The following SEPTIN2 variants were observed in gnomAD, a reference collection of about 807,000 sequenced individuals.
SEPTIN2 encodes septin 2.
SEPTIN2 carries 34 observed loss-of-function variants against 46.5 expected under a neutral mutation model. The ratio of observed to expected loss-of-function variants is 0.73; its 90% confidence interval spans 0.56 to 0.97. The LOEUF (loss-of-function observed/expected upper bound fraction) is 0.97, where lower values mean the gene tolerates loss of function less well. Ranked by LOEUF, SEPTIN2 falls within the 50% of genes least tolerant of loss-of-function variation. The pLI is 0.00. For missense variants in SEPTIN2, 347 were observed against 448.4 expected (o/e 0.77, Z 2.04); for synonymous variants, 175 against 153.4 (o/e 1.14, Z -1.04).
chr2:241,337,191 G>T (rs1356745356), intron 5 of SEPTIN2, 191 bp from the exon 6 acceptor site: 2 of 554,966 alleles, frequency 3.6e-6, no homozygotes, highest in Admixed American at 6.9e-5. Context: ...TCAGCACTTA[G>T]GGGCAGTTAT....
At chr2:241,350,050 A>T in intron 11 of SEPTIN2, 23 bp from the exon 12 acceptor site, 1 of 1,607,248 alleles carries the variant, frequency 6.2e-7, no homozygotes, top group Non-Finnish European at 8.5e-7. Context: ...TTGAAAACCT[A>T]TAATGTGTGT....
chr2:241,333,797 C>A (rs1470959484), intron 3 of SEPTIN2, among the ~76,000 whole-genome samples: 2 of 152,206 alleles, frequency 1.3e-5, no homozygotes, highest in African/African-American at 4.8e-5. Context: ...GCCACCGCGC[C>A]CGGCTGTGCG....
chr2:241,324,287 T>C (rs766319193), intron 2 of SEPTIN2, 46 bp downstream of exon 2: 1 of 1,534,994 alleles, frequency 6.5e-7, no homozygotes, highest in Non-Finnish European at 9.0e-7. Context: ...GAAATTGCTT[T>C]ATGTTTTCAG....
rs1361389860 is a variant in SEPTIN2, at chr2:241,343,826, C to T, written c.771C>T (p.Leu257=). The T allele has an allele frequency of 4.3e-6, 7 of 1,614,126 alleles. No homozygotes were observed. The highest frequency in any genetic ancestry group is 5.9e-6 in the Non-Finnish European group (7 of 1,180,040). Residue 257 remains leucine, a synonymous_variant, in exon 9 of 13, where the codon CTC becomes CTT. Coordinates refer to ENST00000391971, the MANE Select transcript of SEPTIN2 (RefSeq NM_004404.5). ...EAKGKKVRGR[L]YPWGVVEVEN... ...AAGGAAAGAAGGTCAGAGGCCGCCT[C>T]TACCCCTGGGGTGTTGTGGAAGTGG...
intron 10 of SEPTIN2, among the ~76,000 whole-genome samples, chr2:241,346,819 C>T (rs1357741353): frequency 6.6e-6 from 1 of 152,038 alleles, no homozygotes; most frequent in Non-Finnish European, 1.5e-5. Context: ...TCAAAAGCAT[C>T]ACTCTGTACG....
chr2:241,347,968 T>A (rs1002303790), intron 10 of SEPTIN2, among the ~76,000 whole-genome samples, 166 bp from the exon 11 acceptor site: 12 of 152,068 alleles, frequency 7.9e-5, no homozygotes, highest in African/African-American at 2.9e-4. Flanking sequence ...TGAGCCAAGA[T>A]CATGCCACTA....
At chr2:241,323,986 C>G (rs1235559124) in intron 1 of SEPTIN2, among the ~76,000 whole-genome samples, 1 of 152,152 alleles carries the variant, frequency 6.6e-6, no homozygotes, top group Non-Finnish European at 1.5e-5. Flanking sequence ...CATCTAAACA[C>G]AAAAGTCAGA....
chr2:241,347,493 T>C (rs1398556197), intron 10 of SEPTIN2, among the ~76,000 whole-genome samples: 4 of 152,160 alleles, frequency 2.6e-5, no homozygotes, highest in Non-Finnish European at 4.4e-5. Context: ...AGCTTACCCT[T>C]TGCCCCTCGT....
chr2:241,335,509 A>G (rs2079800584), intron 4 of SEPTIN2: 2 of 716,812 alleles, frequency 2.8e-6, no homozygotes, highest in African/African-American at 3.6e-5. Flanking sequence ...AATGTTTTAC[A>G]TCAAAAATGC....
chr2:241,333,842 T>G (rs999519180), intron 3 of SEPTIN2, among the ~76,000 whole-genome samples: 4 of 152,106 alleles, frequency 2.6e-5, no homozygotes, highest in African/African-American at 9.7e-5. Context: ...TTGTTCTTGA[T>G]TTTCCCAGAA....
In SEPTIN2 at chr2:241,332,497, C is replaced by T. The variant is rs2079161176; in HGVS notation, c.131-2629C>T. On this transcript the variant is annotated intron_variant, in intron 3 of 12. Transcript: ENST00000391971. The stretch of plus-strand genomic sequence containing the variant: ...CACTACCCAGCCACTAAGAGGCAGG[C>T]ACTCCAGGTGTCAGCAAGGATGTGA... Among the ~76,000 whole-genome samples the T allele has an allele frequency of 2.0e-5, 3 of 152,198 alleles. No homozygotes were observed. The South Asian group carries it at 6.2e-4, about 31-fold the overall frequency.
intron 5 of SEPTIN2, 67 bp downstream of exon 5, chr2:241,336,165 T>C (rs191979337): frequency 6.9e-7 from 1 of 1,449,434 alleles, no homozygotes; most frequent in Admixed American, 2.1e-5. Flanking sequence ...TTATAGATAG[T>C]GTTAATGAGT....
chr2:241,345,723 CT>C (rs2060168056), intron 9 of SEPTIN2, among the ~76,000 whole-genome samples: 1 of 152,180 alleles, frequency 6.6e-6, no homozygotes. Flanking sequence ...CTAACCAACT[CT>C]TTTTTCTCAT....
intron 10 of SEPTIN2, among the ~76,000 whole-genome samples, 192 bp from the exon 11 acceptor site, chr2:241,347,942 G>A (rs1484459065): frequency 1.3e-5 from 2 of 152,154 alleles, no homozygotes; most frequent in Non-Finnish European, 2.9e-5. Context: ...TTGAACCTAG[G>A]AGGTGGAGGT....
At chr2:241,338,716 A>G (rs1559642096) in intron 7 of SEPTIN2, among the ~76,000 whole-genome samples, 1 of 72,730 alleles carries the variant, frequency 1.4e-5, no homozygotes, top group African/African-American at 4.6e-5. Flanking sequence ...TATTATTTAT[A>G]TAATATATTA....
Position 241,343,855 on chromosome 2 carries a change from A to T in SEPTIN2, c.800A>T (p.Asn267Ile). 6.2e-7 allele frequency: 1 copy of T among 1,614,188 alleles called. No individual in the cohort carries two copies. Residue 267 changes from asparagine to isoleucine, a missense_variant, in exon 9 of 13, where the codon AAC becomes ATC. By Grantham distance (149) the Asn-to-Ile change is moderately radical. Coordinates refer to ENST00000391971, the MANE Select transcript of SEPTIN2 (RefSeq NM_004404.5). ...LYPWGVVEVE[N>I]PEHNDFLKLR... ...CCCTGGGGTGTTGTGGAAGTGGAGA[A>T]CCCAGAGCACAATGACTTTCTGAAG...
rs755583900 is a variant in SEPTIN2, at chr2:241,337,770, C to G, written c.574C>G (p.Arg192Gly). The G allele has an allele frequency of 3.1e-6, 5 of 1,613,730 alleles. No individual in the cohort carries two copies. The highest frequency in any genetic ancestry group is 4.2e-6 in the Non-Finnish European group (5 of 1,179,750). Residue 192 changes from arginine (R) to glycine (G), a missense_variant, in exon 7 of 13, where the codon CGG (arginine) becomes GGG (glycine). By Grantham distance (125) the Arg-to-Gly change is moderately radical (BLOSUM62 -2). Coordinates refer to ENST00000391971, the MANE Select transcript of SEPTIN2 (RefSeq NM_004404.5). ...AGCTGACACTCTCACCCTGAAGGAA[C>G]GGGAGCGGCTGAAGAAAAGGGTGAG... ...AKADTLTLKERERLKKRILDE... is the reference protein window; with the variant it reads ...AKADTLTLKEGERLKKRILDE...
At position 241,337,363 on chromosome 2, in the gene SEPTIN2, ATGTTTC is replaced by A. The variant is rs1398861320; in HGVS notation, c.342-11_342-6del. ...GTTTTATACCCTATGATTATTGTTA[ATGTTTC>A]TGTTTCTCTCAGTTTTAAGACAATT... On this transcript the variant is annotated splice_polypyrimidine_tract_variant and intron_variant, in intron 5 of 12. Coordinates refer to ENST00000391971, the MANE Select transcript of SEPTIN2 (RefSeq NM_004404.5). 1 of 1,607,182 alleles carries A rather than the reference ATGTTTC, an allele frequency of 6.2e-7. No individual in the cohort carries two copies. Among genetic ancestry groups the A allele is most frequent in the Admixed American group, 1.7e-5 (1 of 58,936 alleles).
At chr2:241,332,243 G>A (rs1428611086) in intron 3 of SEPTIN2, among the ~76,000 whole-genome samples, 4 of 152,156 alleles carry the variant, frequency 2.6e-5, no homozygotes, top group African/African-American at 7.2e-5. Flanking sequence ...AAAATAAAAC[G>A]TGAGGAACTC....
Sources: allele counts gnomAD v4.1 joint callset (sites outside exome capture counted in the v4.1 genomes callset), GRCh38; gene constraint gnomAD v4.1.1; transcripts MANE v1.5; gene names NCBI Gene and HGNC (gene_info 2026-07-23, HGNC 2026-07-21).